PTPRD: variants seen among roughly 807,000 people sequenced by gnomAD.
The protein encoded by PTPRD is receptor-type tyrosine-protein phosphatase delta.
In PTPRD, 34 loss-of-function variants were observed where a neutral mutation model predicts 214.5. That is an observed-to-expected ratio of 0.16 (90% CI 0.12 to 0.21). The LOEUF (loss-of-function observed/expected upper bound fraction) is 0.21. Among genes scored for constraint, PTPRD ranks in the 10% least tolerant of loss-of-function variants. The pLI, the probability that PTPRD is intolerant of heterozygous loss-of-function variation, is 1.00. For synonymous variants in PTPRD, 1,128 were observed against 845.7 expected, an observed-to-expected ratio of 1.33 and a Z score of -5.79; for missense variants, 2,545 against 2,398.7, an observed-to-expected ratio of 1.06 and a Z score of -1.27.
At chr9:9,584,357 AC>A (rs1214973528) in intron 7 of PTPRD, among the ~76,000 whole-genome samples, 18 of 149,734 alleles carry the variant, frequency 1.2e-4, no homozygotes, top group African/African-American at 4.5e-4. Context: ...TTATTTCATC[AC>A]CATTATTATT....
chr9:8,588,820 T>C (rs2154261702), intron 14 of PTPRD, among the ~76,000 whole-genome samples: 1 of 152,310 alleles, frequency 6.6e-6, no homozygotes, highest in South Asian at 2.1e-4. Context: ...CCCTCATTCT[T>C]CTTCAGAGAA....
At chr9:8,820,311 C>T (rs889678821) in intron 11 of PTPRD, among the ~76,000 whole-genome samples, 3 of 152,192 alleles carry the variant, frequency 2.0e-5, no homozygotes, top group Non-Finnish European at 4.4e-5. Context: ...GAGCTACTTA[C>T]TGTACTAGGC....
intron 5 of PTPRD, among the ~76,000 whole-genome samples, chr9:9,906,554 T>G (rs2077616297): frequency 6.6e-6 from 1 of 151,986 alleles, no homozygotes; most frequent in Non-Finnish European, 1.5e-5. Context: ...ATAAAGAAGT[T>G]AGTTGAAGAC....
intron 2 of PTPRD, among the ~76,000 whole-genome samples, chr9:10,458,621 A>C (rs2098935444): frequency 6.6e-6 from 1 of 152,192 alleles, no homozygotes. Flanking sequence ...CTTTTCCTTT[A>C]ACATCTGGTA....
chr9:9,467,587 C>CT (rs1569568593), intron 8 of PTPRD, among the ~76,000 whole-genome samples: 1 of 13,884 alleles, frequency 7.2e-5, no homozygotes, highest in South Asian at 3.2e-3. Flanking sequence ...ACTCCATCTC[C>CT]CAAAAAAAAA....
intron 14 of PTPRD, among the ~76,000 whole-genome samples, chr9:8,577,470 G>C (rs1197933141): frequency 6.6e-6 from 1 of 152,078 alleles, no homozygotes; most frequent in Non-Finnish European, 1.5e-5. Context: ...GGTCAGGCTG[G>C]TCTGGAACTC....
At chr9:9,542,548 A>G (rs904119179) in intron 8 of PTPRD, among the ~76,000 whole-genome samples, 3 of 151,798 alleles carry the variant, frequency 2.0e-5, no homozygotes, top group African/African-American at 7.2e-5. Flanking sequence ...CTGGAAAAAA[A>G]TATCAGCAGT....
intron 2 of PTPRD, among the ~76,000 whole-genome samples, chr9:10,437,864 T>A (rs2098730900): frequency 1.3e-5 from 2 of 150,734 alleles, no homozygotes; most frequent in Admixed American, 6.6e-5. Context: ...GCCCATATAG[T>A]GTCAGTAGAT....
At chr9:8,929,725 A>G (rs1455814391) in intron 11 of PTPRD, among the ~76,000 whole-genome samples, 3 of 120,194 alleles carry the variant, frequency 2.5e-5, no homozygotes, top group Admixed American at 8.6e-5. Flanking sequence ...ATGTGTATAT[A>G]TATATGTGTA....
chr9:9,682,772 T>A (rs999255022), intron 7 of PTPRD, among the ~76,000 whole-genome samples: 1 of 151,734 alleles, frequency 6.6e-6, no homozygotes, highest in Non-Finnish European at 1.5e-5. Flanking sequence ...TTTAAGAAAG[T>A]CTGCTACCAG....
At position 8,543,434 on chromosome 9, in the gene PTPRD, A is replaced by G. The variant is rs1343755345; in HGVS notation, c.353-14655T>C. ...TTAATGCCCCTTCAATTGCTCAGTG[A>G]TGATGGCTATGAGGCTGCTGAATAA... On this transcript the variant is annotated intron_variant, in intron 14 of 45. Transcript: ENST00000381196. 3.9e-5 allele frequency among the ~76,000 whole-genome samples: 6 copies of G among 152,330 alleles called. No homozygotes were observed. The East Asian group carries it at 1.2e-3, about 29-fold the overall frequency.
chr9:10,221,409 C>T (rs1055141086), intron 3 of PTPRD, among the ~76,000 whole-genome samples: 4 of 151,896 alleles, frequency 2.6e-5, no homozygotes, highest in Non-Finnish European at 4.4e-5. Context: ...CTAGAACTAT[C>T]CTTTTTCCTA....
intron 11 of PTPRD, among the ~76,000 whole-genome samples, chr9:8,793,277 C>T (rs531607728): frequency 2.0e-5 from 3 of 152,168 alleles, no homozygotes; most frequent in Non-Finnish European, 2.9e-5. Flanking sequence ...TTGGAATAAG[C>T]CAGCTACCAT....
rs543804708 is a variant in PTPRD at position 10,486,010 on chromosome 9, CT to C, written c.-600+126387del. ...TCTTTCGAGGAGTGTCTGTTCACATCTTTTTCCCACTTTTTGATGTTTTTTT... is the reference window on the plus strand; with the variant it reads ...TCTTTCGAGGAGTGTCTGTTCACATCTTTTCCCACTTTTTGATGTTTTTTT... On this transcript the variant is annotated intron_variant, in intron 2 of 45. Transcript: ENST00000381196. Among the ~76,000 whole-genome samples the C allele has an allele frequency of 2.1e-3, 300 of 141,522 alleles. 2 individuals carry two copies. Among genetic ancestry groups the C allele is most frequent in the African/African-American group, 7.4e-3 (287 of 38,602 alleles). The allele number at this position is 141,522 out of a possible 152,430, so 92.8% of individuals were successfully genotyped here.
chr9:9,915,505 T>G (rs1167189016), intron 5 of PTPRD, among the ~76,000 whole-genome samples: 1 of 151,646 alleles, frequency 6.6e-6, no homozygotes, highest in Non-Finnish European at 1.5e-5. Flanking sequence ...ACTCATGATT[T>G]GAATGAGAAA....
At chr9:8,635,249 T>C (rs1027881184) in intron 13 of PTPRD, among the ~76,000 whole-genome samples, 1 of 151,514 alleles carries the variant, frequency 6.6e-6, no homozygotes, top group Non-Finnish European at 1.5e-5. Context: ...TATTTAGTAG[T>C]ATAATTTCAC....
intron 10 of PTPRD, among the ~76,000 whole-genome samples, chr9:9,093,091 A>T (rs896422014): frequency 2.0e-5 from 3 of 152,072 alleles, no homozygotes; most frequent in African/African-American, 7.2e-5. Flanking sequence ...ATATGGAGGG[A>T]CATTGCATAG....
At chr9:9,737,168 C>T (rs112079920) in intron 6 of PTPRD, among the ~76,000 whole-genome samples, 10 of 152,098 alleles carry the variant, frequency 6.6e-5, no homozygotes, top group African/African-American at 2.4e-4. Flanking sequence ...TCAAACTGCT[C>T]TACAATATTA....
intron 8 of PTPRD, among the ~76,000 whole-genome samples, chr9:9,437,925 C>T (rs2085974136): frequency 6.6e-6 from 1 of 152,198 alleles, no homozygotes; most frequent in African/African-American, 2.4e-5. Flanking sequence ...AATTCATTGT[C>T]TCACAGTTCT....
Sources: gnomAD v4.1 joint callset for allele counts (sites outside exome capture counted in the v4.1 genomes callset) on GRCh38, gnomAD v4.1.1 for gene constraint, MANE v1.5 for transcripts, NCBI Gene and HGNC (gene_info 2026-07-23, HGNC 2026-07-21) for gene names.